The following ZNF138 variants were observed in gnomAD, a reference collection of about 807,000 sequenced individuals.
ZNF138 encodes the protein zinc finger protein 138 (clone pHZ-32).
In ZNF138, 33 loss-of-function variants were observed where a neutral mutation model predicts 33.0. The observed-to-expected ratio is 1.00, with a 90% CI of 0.76 to 1.34. The LOEUF (loss-of-function observed/expected upper bound fraction) is 1.34, where lower values mean the gene tolerates loss of function less well. ZNF138 is among the 40% of genes most tolerant of loss of function. The pLI is 0.00. For synonymous variants in ZNF138, 139 were observed against 120.4 expected (o/e 1.15, Z -1.01); for missense variants, 360 against 370.8 (o/e 0.97, Z 0.24).
chr7:64,840,581 AC>A, the ZNF138 span, among the ~76,000 whole-genome samples: 1 of 152,108 alleles, frequency 6.6e-6, no homozygotes, highest in East Asian at 1.9e-4. Flanking sequence ...TGGATTACTA[AC>A]CCATTCTACA....
intron 3 of ZNF138, among the ~76,000 whole-genome samples, chr7:64,827,251 C>CT (rs35317442): frequency 0.61 from 87,771 of 144,522 alleles, 27,111 homozygotes; most frequent in African/African-American, 0.76. Context: ...CACCATGAAA[C>CT]TTTTTTTTTT....
chr7:64,794,905 G>C (rs1223483334), intron 1 of ZNF138, among the ~76,000 whole-genome samples: 10 of 152,162 alleles, frequency 6.6e-5, no homozygotes, highest in Non-Finnish European at 1.2e-4. Context: ...TCATGAATGG[G>C]AAGAGGTTTC....
At chr7:64,840,560 C>A in the ZNF138 span, among the ~76,000 whole-genome samples, 1 of 152,030 alleles carries the variant, frequency 6.6e-6, no homozygotes, top group Non-Finnish European at 1.5e-5. Context: ...TCAACTCTAG[C>A]ATTTATCTTT....
At chr7:64,836,969 A>G (rs75806672), downstream of ZNF138, 6,653 of 152,236 alleles carry the variant, frequency 0.044, 204 homozygotes, top group East Asian at 0.14. Flanking sequence ...ATGTTGGTGA[A>G]AGTTCTGGAG....
At chr7:64,840,072 G>A in the ZNF138 span, among the ~76,000 whole-genome samples, 1 of 152,064 alleles carries the variant, frequency 6.6e-6, no homozygotes, top group African/African-American at 2.4e-5. Context: ...CGGGGTGGTG[G>A]GAACAGGAAA....
chr7:64,815,171 AG>A (rs1788513416), intron 2 of ZNF138, 127 bp downstream of exon 2: 2 of 954,738 alleles, frequency 2.1e-6, no homozygotes, highest in Non-Finnish European at 2.9e-6. Flanking sequence ...TGTTTTCAAA[AG>A]AATCTTTGAG....
chr7:64,831,476 C>T lies in ZNF138; in HGVS notation c.234C>T (p.Asp78=), dbSNP rs201456287. 832 of 1,575,666 alleles carry T rather than the reference C, an allele frequency of 5.3e-4. 1 individual carries two copies. Among genetic ancestry groups the T allele is most frequent in the Non-Finnish European group, 6.5e-4 (759 of 1,165,256 alleles). ...HSALCSRFAQ[D]LWLEQNIKDS... The stretch of plus-strand genomic sequence containing the variant: ...CTCTGTGTTCTCGTTTTGCCCAAGA[C>T]CTTTGGCTAGAGCAGAACATAAAAG... Residue 78 remains aspartate, a synonymous_variant, in exon 4 of 4, where the codon GAC becomes GAT. Coordinates refer to ENST00000307355, the MANE Select transcript of ZNF138 (RefSeq NM_001271639.2).
At chr7:64,837,152 T>C (rs1303116391), downstream of ZNF138, among the ~76,000 whole-genome samples, 1 of 151,946 alleles carries the variant, frequency 6.6e-6, no homozygotes, top group South Asian at 2.1e-4. Context: ...TTCAGTTTGG[T>C]TGGGGGGAGG....
intron 3 of ZNF138, among the ~76,000 whole-genome samples, chr7:64,827,694 A>G (rs1421222760): frequency 6.6e-6 from 1 of 152,108 alleles, no homozygotes; most frequent in African/African-American, 2.4e-5. Flanking sequence ...TTTGTCTTCA[A>G]GAAAGCTCTG....
chr7:64,819,616 G>A (rs1477107512), intron 3 of ZNF138, among the ~76,000 whole-genome samples: 2 of 152,040 alleles, frequency 1.3e-5, no homozygotes, highest in Non-Finnish European at 2.9e-5. Context: ...CAATCTGCCC[G>A]CCTCATCTTC....
At position 64,803,476 on chromosome 7, in the gene ZNF138, T is replaced by TAA. The variant is rs891491433; in HGVS notation, c.3+8906_3+8907insAA. ...TTTAATATTTGCAGGCTGAAGTACTTACATTGCAAAAGCGAGGTTCAGTGT... is the reference window on the plus strand; with the variant it reads ...TTTAATATTTGCAGGCTGAAGTACTTAAACATTGCAAAAGCGAGGTTCAGTGT... On this transcript the variant is annotated intron_variant, in intron 1 of 3. Transcript: ENST00000307355. Among the ~76,000 whole-genome samples, 27 of 152,288 alleles carry TAA rather than the reference T, an allele frequency of 1.8e-4. 1 individual carries two copies. Among genetic ancestry groups the TAA allele is most frequent in the African/African-American group, 6.5e-4 (27 of 41,562 alleles).
chr7:64,835,430 G>A (rs1790338981), downstream of ZNF138: 1 of 152,014 alleles, frequency 6.6e-6, no homozygotes, highest in Admixed American at 6.6e-5. Flanking sequence ...CTAGGATTGG[G>A]GCAAAACACA....
chr7:64,822,587 C>T (rs1461012389), intron 3 of ZNF138, among the ~76,000 whole-genome samples: 2 of 151,662 alleles, frequency 1.3e-5, no homozygotes, highest in Non-Finnish European at 2.9e-5. Flanking sequence ...TGTGGAAGAT[C>T]ATTTGATCAT....
intron 1 of ZNF138, among the ~76,000 whole-genome samples, chr7:64,813,818 T>C (rs768748284): frequency 1.3e-5 from 2 of 152,188 alleles, no homozygotes; most frequent in Non-Finnish European, 2.9e-5. Context: ...TTTTTCTGTG[T>C]GCATCAACAC....
At chr7:64,825,154 C>CTTTTTTTTT (rs71061316) in intron 3 of ZNF138, among the ~76,000 whole-genome samples, 2 of 45,988 alleles carry the variant, frequency 4.3e-5, no homozygotes, top group African/African-American at 2.0e-4. Flanking sequence ...GTTGTATGCT[C>CTTTTTTTTT]TTTTTTTTTT....
intron 1 of ZNF138, among the ~76,000 whole-genome samples, chr7:64,796,079 G>A (rs1047366815): frequency 4.6e-5 from 7 of 152,202 alleles, no homozygotes; most frequent in African/African-American, 1.7e-4. Flanking sequence ...GTCCATTTCC[G>A]GAGACATATT....
intron 1 of ZNF138, among the ~76,000 whole-genome samples, chr7:64,802,961 G>A (rs763457939): frequency 4.0e-5 from 6 of 151,756 alleles, no homozygotes; most frequent in Non-Finnish European, 5.9e-5. Context: ...AATGGCATGA[G>A]TGACTATTTT....
the ZNF138 span, among the ~76,000 whole-genome samples, chr7:64,847,754 G>A: frequency 2.3e-4 from 35 of 152,166 alleles, no homozygotes; most frequent in African/African-American, 7.9e-4. Flanking sequence ...CCTTATGTTA[G>A]ATGAGTCTCT....
At chr7:64,797,575 A>T (rs1294537757) in intron 1 of ZNF138, among the ~76,000 whole-genome samples, 1 of 152,126 alleles carries the variant, frequency 6.6e-6, no homozygotes, top group Non-Finnish European at 1.5e-5. Context: ...CGGATGTCGG[A>T]GCCTGCTCAC....
Sources: gnomAD v4.1 joint callset for allele counts (sites outside exome capture counted in the v4.1 genomes callset) on GRCh38, gnomAD v4.1.1 for gene constraint, MANE v1.5 for transcripts, NCBI Gene and HGNC (gene_info 2026-07-23, HGNC 2026-07-21) for gene names.